The following MAGI2 variants were observed in gnomAD, a reference collection of about 807,000 sequenced individuals.
The protein encoded by MAGI2 is membrane associated guanylate kinase, WW and PDZ domain containing 2, also known as membrane-associated guanylate kinase, WW and PDZ domain-containing protein 2.
A neutral mutation model predicts 133.3 loss-of-function variants in MAGI2; 35 were observed. The ratio of observed to expected loss-of-function variants is 0.26; its 90% CI spans 0.20 to 0.35. The LOEUF (loss-of-function observed/expected upper bound fraction) is 0.35. Ranked by LOEUF, MAGI2 falls within the 10% of genes least tolerant of loss-of-function variation. MAGI2 has a pLI of 1.00. For synonymous variants in MAGI2, 729 were observed against 710.6 expected, an observed-to-expected ratio of 1.03 and a Z score of -0.41; for missense variants, 1,636 against 1,863.4, an observed-to-expected ratio of 0.88 and a Z score of 2.25.
At chr7:79,396,749 G>T (rs1845085720) in intron 1 of MAGI2, among the ~76,000 whole-genome samples, 2 of 152,124 alleles carry the variant, frequency 1.3e-5, no homozygotes, top group African/African-American at 4.8e-5. Context: ...AATAAAAGAA[G>T]TAGCTACTTT....
At chr7:78,775,125 A>C (rs1228034144) in intron 2 of MAGI2, among the ~76,000 whole-genome samples, 1 of 151,604 alleles carries the variant, frequency 6.6e-6, no homozygotes, top group Non-Finnish European at 1.5e-5. Flanking sequence ...CATCCTGACT[A>C]TCACAGTGAA....
At chr7:78,105,184 T>C (rs958139156) in intron 20 of MAGI2, among the ~76,000 whole-genome samples, 3 of 152,224 alleles carry the variant, frequency 2.0e-5, no homozygotes, top group Non-Finnish European at 4.4e-5. Flanking sequence ...CGTATATTAC[T>C]ATAGTGTATT....
At chr7:78,383,723 A>G (rs1795131546) in intron 6 of MAGI2, among the ~76,000 whole-genome samples, 1 of 151,736 alleles carries the variant, frequency 6.6e-6, no homozygotes, top group Admixed American at 6.6e-5. Flanking sequence ...TAATATCTTT[A>G]TGGTTTTGGG....
intron 3 of MAGI2, among the ~76,000 whole-genome samples, chr7:78,590,978 C>G (rs993468456): frequency 2.6e-5 from 4 of 152,130 alleles, no homozygotes; most frequent in African/African-American, 9.7e-5. Context: ...CAGTCTCTGT[C>G]AGAGACTCCT....
chr7:78,531,511 C>T (rs543816172), intron 3 of MAGI2, among the ~76,000 whole-genome samples: 1 of 152,182 alleles, frequency 6.6e-6, no homozygotes, highest in Non-Finnish European at 1.5e-5. Flanking sequence ...CACACCTGGC[C>T]TTATTTAAGA....
intron 2 of MAGI2, among the ~76,000 whole-genome samples, chr7:78,955,773 C>CTTTCTTTCTTTCTTTCT (rs1562713381): frequency 1.0e-5 from 1 of 95,428 alleles, no homozygotes; most frequent in Non-Finnish European, 2.3e-5. Flanking sequence ...TTCTTTCTTT[C>CTTTCTTTCTTTCTTTCT]TTTCTTTCTT....
chr7:78,176,518 T>C (rs1826626036), intron 14 of MAGI2, among the ~76,000 whole-genome samples: 2 of 152,140 alleles, frequency 1.3e-5, no homozygotes, highest in South Asian at 4.1e-4. Flanking sequence ...TCGGGGTTCC[T>C]GCCAGGTTCC....
At chr7:79,040,518 G>C (rs569021997) in intron 1 of MAGI2, among the ~76,000 whole-genome samples, 7 of 152,276 alleles carry the variant, frequency 4.6e-5, no homozygotes, top group Admixed American at 2.0e-4. Flanking sequence ...AATACAGTTA[G>C]ATAGAAGGAA....
intron 5 of MAGI2, among the ~76,000 whole-genome samples, chr7:78,499,875 G>A (rs1794464428): frequency 6.6e-6 from 1 of 152,156 alleles, no homozygotes; most frequent in African/African-American, 2.4e-5. Flanking sequence ...GGTCCGCAAT[G>A]ATGTCATGCT....
At chr7:78,328,530 C>CACACACACACACACACACACACACACACA (rs10525463) in intron 9 of MAGI2, among the ~76,000 whole-genome samples, 52 of 124,766 alleles carry the variant, frequency 4.2e-4, no homozygotes, top group African/African-American at 7.5e-4. Context: ...CACACACACA[C>CACACACACACACACACACACACACACACA]CCCTCTCTCT....
Position 78,596,125 on chromosome 7 carries a change from G to T in MAGI2, c.538+30995C>A, listed in dbSNP as rs933267357. ...AATGTCCATATTAGGAAGGAAGGAGGGAAGGAAGGAGGGAAAGAATGAAGG... is the reference window on the plus strand; with the variant it reads ...AATGTCCATATTAGGAAGGAAGGAGTGAAGGAAGGAGGGAAAGAATGAAGG... On this transcript the variant is annotated intron_variant, in intron 3 of 21. Transcript: ENST00000354212. Among the ~76,000 whole-genome samples, 9 of 142,894 alleles carry T rather than the reference G, an allele frequency of 6.3e-5. No individual in the cohort carries two copies. In the South Asian group the frequency reaches 6.8e-4, roughly 11 times the overall value. 93.7% of individuals were successfully genotyped at this position (142,894 alleles called of 152,430 possible).
chr7:79,018,016 A>G (rs886642129), intron 1 of MAGI2, among the ~76,000 whole-genome samples: 1 of 152,264 alleles, frequency 6.6e-6, no homozygotes, highest in East Asian at 1.9e-4. Context: ...CATATTTCAG[A>G]ATATCATCCA....
chr7:78,943,512 T>G (rs369222082), intron 2 of MAGI2, among the ~76,000 whole-genome samples: 8 of 152,326 alleles, frequency 5.3e-5, no homozygotes, highest in African/African-American at 1.9e-4. Context: ...ATGGCCTCAT[T>G]ATACAGCTTT....
intron 1 of MAGI2, among the ~76,000 whole-genome samples, chr7:79,213,646 A>G (rs1261338367): frequency 6.6e-6 from 1 of 152,098 alleles, no homozygotes; most frequent in Non-Finnish European, 1.5e-5. Context: ...GTTTAAAAAA[A>G]TAAATATGTG....
rs553272847 is a variant in MAGI2, at chr7:78,553,108, A to C, written c.539-31463T>G. ...CAACTTTAAATTAAAAAAAAAAAAA[A>C]CAAACACCAAAGTGTATTCCAGAGC... On this transcript the variant is annotated intron_variant, in intron 3 of 21. Transcript: ENST00000354212. Among the ~76,000 whole-genome samples the C allele has an allele frequency of 1.6e-3, 235 of 148,194 alleles. 1 individual carries two copies. The highest frequency in any genetic ancestry group is 2.9e-3 in the Non-Finnish European group (192 of 66,448).
intron 9 of MAGI2, among the ~76,000 whole-genome samples, chr7:78,308,231 T>C (rs1798402452): frequency 6.6e-6 from 1 of 152,200 alleles, no homozygotes; most frequent in Non-Finnish European, 1.5e-5. Flanking sequence ...AGACAGCATC[T>C]GGGTTGAGTC....
chr7:79,092,412 C>T (rs1376157934), intron 1 of MAGI2, among the ~76,000 whole-genome samples: 1 of 151,938 alleles, frequency 6.6e-6, no homozygotes, highest in East Asian at 1.9e-4. Context: ...TATTAAAAAC[C>T]TTGAGTTCCA....
chr7:78,268,960 G>C (rs1460106467), intron 9 of MAGI2, among the ~76,000 whole-genome samples: 1 of 151,906 alleles, frequency 6.6e-6, no homozygotes, highest in African/African-American at 2.4e-5. Context: ...GACAAGCCCC[G>C]GTGTGTGATG....
intron 1 of MAGI2, among the ~76,000 whole-genome samples, chr7:79,017,077 C>A (rs1005263730): frequency 2.0e-5 from 3 of 152,386 alleles, no homozygotes; most frequent in South Asian, 2.1e-4. Context: ...TCAGCCATAG[C>A]TGATGAGCAT....
Sources: allele counts gnomAD v4.1 joint callset (sites outside exome capture counted in the v4.1 genomes callset), GRCh38; gene constraint gnomAD v4.1.1; transcripts MANE v1.5; gene names NCBI Gene and HGNC (gene_info 2026-07-23, HGNC 2026-07-21).